Variants in SPG11 observed in about 807,000 individuals in gnomAD.
SPG11 encodes the protein spatacsin.
Under a neutral mutation model 274.0 loss-of-function variants are expected in SPG11, and 222 were observed. That is an observed-to-expected ratio of 0.81 (90% CI 0.73 to 0.91). SPG11 has a LOEUF of 0.91. Among genes scored for constraint, SPG11 ranks in the 40% least tolerant of loss-of-function variants. The pLI is 0.00. For synonymous variants in SPG11, 1,144 were observed against 1,039.7 expected, an observed-to-expected ratio of 1.10 and a Z score of -1.93; for missense variants, 3,114 against 2,872.7, an observed-to-expected ratio of 1.08 and a Z score of -1.92.
chr15:44,659,227 G>T lies in SPG11; in HGVS notation c.519C>A (p.Ile173=), dbSNP rs777235892. The T allele has an allele frequency of 1.2e-6, 2 of 1,614,126 alleles. No individual in the cohort carries two copies. Among genetic ancestry groups the T allele is most frequent in the Non-Finnish European group, 1.7e-6 (2 of 1,179,982 alleles). The stretch of plus-strand genomic sequence containing the variant: ...CTCTTTCAGGAAATATAATATGTAG[G>T]ATGACACATTTGTTGATGAACAGTA... ...TSLLFINKCV[I]LHIIFPERDA... is the part of the protein sequence containing the mutation. The change falls in exon 3 of 40, where the codon ATC becomes ATA. Residue 173 remains isoleucine, a synonymous_variant. Coordinates refer to ENST00000261866, the MANE Select transcript of SPG11 (RefSeq NM_025137.4).
Position 44,648,880 on chromosome 15 carries a change from T to C in SPG11, c.1588A>G (p.Ile530Val), listed in dbSNP as rs746138256. ...LNGWGRCSIP[I>V]HALEAGIENR... ...AATTCTGTTACCTCTAGTGCATGTA[T>C]GGGAATTGAGCACCTTCCCCAGCCA... is the stretch of plus-strand genomic sequence containing the variant. Residue 530 changes from isoleucine to valine, a missense_variant, in exon 7 of 40, where the codon ATA becomes GTA. Physicochemically the swap from Ile to Val is conservative, Grantham distance 29 (BLOSUM62 3). Transcript: ENST00000261866. The C allele has an allele frequency of 2.2e-5, 35 of 1,614,118 alleles. No homozygotes were observed. Among genetic ancestry groups the C allele is most frequent in the Non-Finnish European group, 2.9e-5 (34 of 1,179,994 alleles).
chr15:44,562,931 A>T lies in SPG11; in HGVS notation c.*190T>A. ...ATGGTGTGGATGAACAATCATCTAA[A>T]ATCAATCTATTTTAAATAGGAATTT... is the stretch of plus-strand genomic sequence containing the variant. On this transcript the variant is annotated 3_prime_UTR_variant, in exon 40 of 40. Transcript: ENST00000261866. 1.7e-6 allele frequency: 1 copy of T among 591,638 alleles called. No individual in the cohort carries two copies. The highest frequency in any genetic ancestry group is 3.0e-6 in the Non-Finnish European group (1 of 334,584). 36.6% of individuals were successfully genotyped at this position (591,638 alleles called of 1,614,324 possible). A position where few individuals can be genotyped will look rare whatever the true frequency, so the allele number is the denominator to read the frequency against.
At chr15:44,615,918 A>G (rs1473193325) in intron 15 of SPG11, among the ~76,000 whole-genome samples, 1 of 152,222 alleles carries the variant, frequency 6.6e-6, no homozygotes, top group Non-Finnish European at 1.5e-5. Context: ...ATTCACCAAG[A>G]TATCCAAACA....
At chr15:44,573,866 C>G (rs997759674) in intron 31 of SPG11, 121 bp from the exon 32 acceptor site, 1 of 900,436 alleles carries the variant, frequency 1.1e-6, no homozygotes, top group Admixed American at 2.0e-5. Flanking sequence ...ACTCCTCACC[C>G]TCAGCAGGAA....
In SPG11 at chr15:44,659,097, T is replaced by C. The variant is rs920828408; in HGVS notation, c.649A>G (p.Ser217Gly). ...AGGATACAGATCCAGCCTAAACTACTCAAAACAAAAAGAATTCCTCTGCAG... is the reference window on the plus strand; with the variant it reads ...AGGATACAGATCCAGCCTAAACTACCCAAAACAAAAAGAATTCCTCTGCAG... ...QLCRGILFVL[S>G]SLGWIYIFDV... Residue 217 changes from serine (S) to glycine (G), a missense_variant, in exon 3 of 40, where the codon AGT (serine) becomes GGT (glycine). Coordinates refer to ENST00000261866, the MANE Select transcript of SPG11 (RefSeq NM_025137.4). 6.2e-6 allele frequency: 10 copies of C among 1,614,028 alleles called. No homozygotes were observed. The highest frequency in any genetic ancestry group is 8.5e-6 in the Non-Finnish European group (10 of 1,180,032).
Position 44,564,561 on chromosome 15 carries a change from T to C in SPG11, c.7137A>G (p.Glu2379=), listed in dbSNP as rs1398977843. 1 of 1,613,738 alleles carries C rather than the reference T, an allele frequency of 6.2e-7. No individual in the cohort carries two copies. The highest frequency in any genetic ancestry group is 8.5e-7 in the Non-Finnish European group (1 of 1,179,822). The change falls in exon 39 of 40, where the codon GAA becomes GAG. Residue 2379 remains glutamate, a synonymous_variant. Transcript: ENST00000261866. ...TTAATACTTACTTTTTGGAAATCTC[T>C]TCAAATATACTGGACTTTAATAACC... The part of the protein sequence containing the change: ...QQRLLKSSIF[E]EISKKYKQHQ...
chr15:44,592,871 A>G (rs547120963), intron 26 of SPG11, among the ~76,000 whole-genome samples: 2 of 152,040 alleles, frequency 1.3e-5, no homozygotes, highest in African/African-American at 4.8e-5. Context: ...ATGTGCCTAT[A>G]GTCCCAGCTA....
At chr15:44,592,278 G>T in intron 27 of SPG11, 53 bp downstream of exon 27, 1 of 1,100,432 alleles carries the variant, frequency 9.1e-7, no homozygotes, top group Non-Finnish European at 1.4e-6. Flanking sequence ...AAAAGTCCAT[G>T]CATGCCAACC....
intron 20 of SPG11, among the ~76,000 whole-genome samples, chr15:44,602,421 AG>A (rs2083217170): frequency 6.6e-6 from 1 of 151,930 alleles, no homozygotes; most frequent in African/African-American, 2.4e-5. Context: ...TTATTATGAA[AG>A]GATGTTGAAT....
chr15:44,638,821 C>T (rs2084357268), intron 7 of SPG11, among the ~76,000 whole-genome samples: 1 of 151,968 alleles, frequency 6.6e-6, no homozygotes, highest in African/African-American at 2.4e-5. Flanking sequence ...CATGGGGAAA[C>T]CCCACCTCTA....
intron 7 of SPG11, among the ~76,000 whole-genome samples, chr15:44,648,249 C>A (rs1567188217): frequency 6.6e-6 from 1 of 152,118 alleles, no homozygotes; most frequent in East Asian, 1.9e-4. Flanking sequence ...TGCAGTGGCT[C>A]ACTCCTGTAA....
At chr15:44,630,132 C>T (rs1595900083) in intron 8 of SPG11, among the ~76,000 whole-genome samples, 2 of 152,304 alleles carry the variant, frequency 1.3e-5, no homozygotes, top group African/African-American at 4.8e-5. Context: ...CTATTCTGTG[C>T]TAAACATTCA....
rs1192803905 is a variant in SPG11, at chr15:44,655,590, TTTCTGTAGCTTAC to T, written c.869+1492_869+1504del. On this transcript the variant is annotated intron_variant, in intron 4 of 39. Coordinates refer to ENST00000261866, the MANE Select transcript of SPG11 (RefSeq NM_025137.4). The stretch of plus-strand genomic sequence containing the variant: ...CCTTAAAATTTTCTTAACATTTTCT[TTTCTGTAGCTTAC>T]TTTATTGTAAGAATATAGTGTAATA... 2.0e-5 allele frequency among the ~76,000 whole-genome samples: 3 copies of T among 152,198 alleles called. No individual in the cohort carries two copies. In the East Asian group the frequency reaches 5.8e-4, roughly 29 times the overall value.
intron 3 of SPG11, among the ~76,000 whole-genome samples, chr15:44,658,423 T>C (rs965092703): frequency 1.3e-5 from 2 of 152,020 alleles, no homozygotes; most frequent in African/African-American, 4.8e-5. Context: ...AGAGGTAGAC[T>C]ATATTTATAC....
At chr15:44,655,999 C>A (rs943779436) in intron 4 of SPG11, among the ~76,000 whole-genome samples, 1 of 151,714 alleles carries the variant, frequency 6.6e-6, no homozygotes, top group Non-Finnish European at 1.5e-5. Context: ...TGGATAAAGG[C>A]GACAACTATA....
chr15:44,616,954 G>A (rs1365151818), intron 15 of SPG11, among the ~76,000 whole-genome samples: 4 of 152,090 alleles, frequency 2.6e-5, no homozygotes, highest in East Asian at 3.8e-4. Flanking sequence ...TTCCTATATT[G>A]ATTAGCCATT....
intron 20 of SPG11, among the ~76,000 whole-genome samples, chr15:44,603,347 C>T (rs2083243085): frequency 6.6e-6 from 1 of 152,202 alleles, no homozygotes. Flanking sequence ...TCCACCTCAG[C>T]TTCCTGAGTG....
At position 44,567,444 on chromosome 15, in the gene SPG11, A is replaced by ATT; in HGVS notation, c.6733_6734insAA (p.Leu2245Ter). The ATT allele has an allele frequency of 6.2e-7, 1 of 1,613,710 alleles. No homozygotes were observed. Among genetic ancestry groups the ATT allele is most frequent in the Non-Finnish European group, 8.5e-7 (1 of 1,179,954 alleles). The change falls in exon 36 of 40, where the codon TTG becomes TAATG. Residue 2245 changes from leucine to a stop codon, truncating the protein, a stop_gained and frameshift_variant. Transcript: ENST00000261866. LOFTEE classifies it high-confidence loss of function. ...CTCACCCCAGGGCTGAGACTCAATC[A>ATT]ATTTCAGTTGGATGCGGGCAGCTGC... Reference protein sequence around the residue: ...HEAAARIQLKLIESQPWEDSL... With the variant: ...HEAAARIQLK
intron 3 of SPG11, 147 bp downstream of exon 3, chr15:44,658,932 T>A: frequency 2.8e-6 from 2 of 713,334 alleles, no homozygotes; most frequent in South Asian, 3.2e-5. Flanking sequence ...TTTAAGTTTA[T>A]GAGGATCTTT....
Sources: gnomAD v4.1 joint callset for allele counts (sites outside exome capture counted in the v4.1 genomes callset) on GRCh38, gnomAD v4.1.1 for gene constraint, MANE v1.5 for transcripts, NCBI Gene and HGNC (gene_info 2026-07-23, HGNC 2026-07-21) for gene names.